Variants in PDE11A observed in about 807,000 individuals in gnomAD.
PDE11A encodes the protein phosphodiesterase 11A.
In PDE11A, 100 loss-of-function variants were observed where a neutral mutation model predicts 100.5. The observed-to-expected ratio is 1.00, with a 90% CI of 0.85 to 1.18. PDE11A has a LOEUF of 1.18. PDE11A is among the 50% of genes most tolerant of loss of function. The pLI, the probability that PDE11A is intolerant of heterozygous loss-of-function variation, is 0.00. For missense variants in PDE11A, 1,141 were observed against 1,152.6 expected (o/e 0.99, Z 0.15); for synonymous variants, 381 against 420.8 (o/e 0.91, Z 1.16).
At chr2:178,061,851 G>GT (rs1421202114) in intron 1 of PDE11A, among the ~76,000 whole-genome samples, 6 of 152,118 alleles carry the variant, frequency 3.9e-5, no homozygotes, top group African/African-American at 1.4e-4. Flanking sequence ...AACAAAATTA[G>GT]TTTTTTCTTC....
intron 1 of PDE11A, among the ~76,000 whole-genome samples, chr2:178,035,136 T>A (rs767460916): frequency 1.3e-4 from 19 of 150,510 alleles, no homozygotes; most frequent in Non-Finnish European, 2.4e-4. Context: ...CTAGTTAGAC[T>A]AATAAAGAAG....
chr2:178,012,755 G>C (rs2086286947), intron 2 of PDE11A, among the ~76,000 whole-genome samples: 1 of 152,128 alleles, frequency 6.6e-6, no homozygotes, highest in Non-Finnish European at 1.5e-5. Context: ...AATATATAAT[G>C]AGTTCCTTTT....
At chr2:177,932,114 A>G (rs2085215943) in intron 2 of PDE11A, among the ~76,000 whole-genome samples, 1 of 152,110 alleles carries the variant, frequency 6.6e-6, no homozygotes. Flanking sequence ...TTGAATCAGG[A>G]AGAAATTGAA....
intron 10 of PDE11A, among the ~76,000 whole-genome samples, chr2:177,764,556 T>C (rs2082213832): frequency 6.6e-6 from 1 of 152,162 alleles, no homozygotes; most frequent in Non-Finnish European, 1.5e-5. Flanking sequence ...CTAAACTCAT[T>C]TTCTTATGTT....
intron 10 of PDE11A, among the ~76,000 whole-genome samples, chr2:177,762,727 G>A (rs1353604001): frequency 6.6e-6 from 1 of 152,194 alleles, no homozygotes; most frequent in African/African-American, 2.4e-5. Flanking sequence ...TTCCTCCCAG[G>A]GAAAGGAGAT....
At chr2:177,984,971 T>C (rs1426610177) in intron 2 of PDE11A, among the ~76,000 whole-genome samples, 1 of 152,242 alleles carries the variant, frequency 6.6e-6, no homozygotes, top group Non-Finnish European at 1.5e-5. Flanking sequence ...CTAGACATTC[T>C]GTGTCTCTAT....
chr2:177,721,459 T>A (rs2081524498), intron 12 of PDE11A, among the ~76,000 whole-genome samples: 1 of 152,130 alleles, frequency 6.6e-6, no homozygotes, highest in South Asian at 2.1e-4. Context: ...AATTTTCAAC[T>A]AAATAATAAG....
At chr2:178,067,106 C>A (rs953872633) in intron 1 of PDE11A, among the ~76,000 whole-genome samples, 3 of 152,172 alleles carry the variant, frequency 2.0e-5, no homozygotes, top group African/African-American at 7.2e-5. Flanking sequence ...CAAATCCAAA[C>A]CCACAGGCCA....
chr2:178,080,691 A>G (rs1415326250), intron 2 of PDE11A, among the ~76,000 whole-genome samples: 1 of 152,184 alleles, frequency 6.6e-6, no homozygotes, highest in Non-Finnish European at 1.5e-5. Flanking sequence ...GAAAAATTTT[A>G]TAAAATTAGA....
At chr2:177,983,995 A>T (rs1031127206) in intron 2 of PDE11A, among the ~76,000 whole-genome samples, 1 of 152,160 alleles carries the variant, frequency 6.6e-6, no homozygotes, top group African/African-American at 2.4e-5. Context: ...CAAATTAGCA[A>T]TATACCTTCT....
upstream of PDE11A, chr2:178,072,780 A>G (rs1166481288): frequency 8.0e-7 from 1 of 1,252,354 alleles, no homozygotes; most frequent in East Asian, 4.5e-5. Context: ...CTGTAACCGG[A>G]TGAGTGGACC....
chr2:178,020,722 C>T (rs941739162), intron 1 of PDE11A, among the ~76,000 whole-genome samples: 6 of 151,926 alleles, frequency 3.9e-5, no homozygotes, highest in Non-Finnish European at 7.4e-5. Flanking sequence ...CGATTGAACC[C>T]GAGAGGCAGA....
intron 13 of PDE11A, 53 bp from the exon 14 acceptor site, chr2:177,701,264 C>G: frequency 1.1e-6 from 1 of 889,566 alleles, no homozygotes; most frequent in Non-Finnish European, 1.9e-6. Context: ...TTCCCCCACA[C>G]CAGCTTTTTG....
At chr2:178,046,022 T>C (rs979339500) in intron 1 of PDE11A, among the ~76,000 whole-genome samples, 25 of 152,220 alleles carry the variant, frequency 1.6e-4, no homozygotes, top group African/African-American at 6.0e-4. Flanking sequence ...TGCCTCTTAC[T>C]AGCTGTATAA....
chr2:177,749,692 C>T (rs1375989149), intron 10 of PDE11A, among the ~76,000 whole-genome samples: 1 of 152,038 alleles, frequency 6.6e-6, no homozygotes, highest in Admixed American at 6.5e-5. Context: ...ATAGTAAGTG[C>T]TCAACTAATG....
chr2:177,839,868 T>G (rs1161982127), intron 6 of PDE11A, among the ~76,000 whole-genome samples: 1 of 152,218 alleles, frequency 6.6e-6, no homozygotes, highest in Non-Finnish European at 1.5e-5. Flanking sequence ...ATCAACACAG[T>G]GTGCCTAGAT....
At chr2:177,663,071 A>C (rs1257910891) in intron 19 of PDE11A, among the ~76,000 whole-genome samples, 2 of 152,250 alleles carry the variant, frequency 1.3e-5, no homozygotes, top group African/African-American at 4.8e-5. Context: ...TGGGTAAAGA[A>C]CTTGCCAGGT....
Position 177,728,090 on chromosome 2 carries a change from A to G in PDE11A, c.1871T>C (p.Ile624Thr), listed in dbSNP as rs1484967738. The G allele has an allele frequency of 1.3e-5, 21 of 1,612,460 alleles. No individual in the cohort carries two copies. Among genetic ancestry groups the G allele is most frequent in the Non-Finnish European group, 1.8e-5 (21 of 1,178,622 alleles). ...DDFSLDVDAM[I>T]TAALRMFMEL... ...CATGAACATCCGGAGAGCAGCTGTG[A>G]TCATGGCATCAACGTCGAGAGAAAA... is the stretch of plus-strand genomic sequence containing the variant. The change falls in exon 11 of 20, where the codon ATC becomes ACC. Residue 624 changes from isoleucine to threonine, a missense_variant. Ile to Thr is a moderately conservative substitution (Grantham distance 89). Transcript: ENST00000286063.
In PDE11A at chr2:177,929,513, G is replaced by A. The variant is rs2085178270; in HGVS notation, c.1072-24326C>T. Reference sequence around the variant, plus strand: ...TCAGTATTTTAAAGCCTGCTAGGATGAACTTGAAGCTTCATCCGTACAAGG... The same window carrying A: ...TCAGTATTTTAAAGCCTGCTAGGATAAACTTGAAGCTTCATCCGTACAAGG... On this transcript the variant is annotated intron_variant, in intron 2 of 19. Transcript: ENST00000286063. Among the ~76,000 whole-genome samples the A allele has an allele frequency of 2.0e-5, 3 of 152,140 alleles. No individual in the cohort carries two copies. In the South Asian group the frequency reaches 6.2e-4, roughly 32 times the overall value.
Sources: allele counts gnomAD v4.1 joint callset (sites outside exome capture counted in the v4.1 genomes callset), GRCh38; gene constraint gnomAD v4.1.1; transcripts MANE v1.5; gene names NCBI Gene and HGNC (gene_info 2026-07-23, HGNC 2026-07-21).